Variants in ESRRG observed in about 807,000 individuals in gnomAD.
ESRRG encodes the protein estrogen related receptor gamma.
Under a neutral mutation model 44.0 loss-of-function variants are expected in ESRRG, and 13 were observed. The observed-to-expected ratio is 0.30, with a 90% CI of 0.19 to 0.47. The LOEUF (loss-of-function observed/expected upper bound fraction) is 0.47, where lower values mean the gene tolerates loss of function less well. Among genes scored for constraint, ESRRG ranks in the 20% least tolerant of loss-of-function variants. The pLI is 1.00. For synonymous variants in ESRRG, 215 were observed against 214.6 expected (o/e 1.00, Z -0.02); for missense variants, 395 against 580.6 (o/e 0.68, Z 3.29).
intron 1 of ESRRG, among the ~76,000 whole-genome samples, chr1:217,029,075 G>A (rs2151001576): frequency 6.6e-6 from 1 of 150,932 alleles, no homozygotes. Flanking sequence ...AAAAAAAGAA[G>A]AAATTAATTC....
At chr1:216,666,221 A>C (rs1394823604) in intron 2 of ESRRG, among the ~76,000 whole-genome samples, 1 of 152,220 alleles carries the variant, frequency 6.6e-6, no homozygotes, top group Non-Finnish European at 1.5e-5. Flanking sequence ...ATCAATAGGA[A>C]CTTCTGACAA....
intron 2 of ESRRG, among the ~76,000 whole-genome samples, chr1:216,803,959 C>T (rs2094704668): frequency 6.6e-6 from 1 of 151,828 alleles, no homozygotes; most frequent in East Asian, 1.9e-4. Context: ...AAGGTTCTAA[C>T]ACAGGTTAAT....
chr1:216,516,719 A>G (rs900378008), intron 6 of ESRRG, among the ~76,000 whole-genome samples: 1 of 151,716 alleles, frequency 6.6e-6, no homozygotes, highest in Non-Finnish European at 1.5e-5. Flanking sequence ...TAGGGTGTCT[A>G]AAGTATTAAA....
intron 3 of ESRRG, among the ~76,000 whole-genome samples, chr1:216,596,563 C>T (rs1010844547): frequency 6.6e-6 from 1 of 152,196 alleles, no homozygotes; most frequent in African/African-American, 2.4e-5. Context: ...AACAGACCAG[C>T]TATCTCTAAA....
At chr1:216,825,599 T>C (rs1005856064) in intron 2 of ESRRG, among the ~76,000 whole-genome samples, 1 of 152,094 alleles carries the variant, frequency 6.6e-6, no homozygotes, top group East Asian at 1.9e-4. Flanking sequence ...GGAAGACGAA[T>C]GGGAAAGAGA....
At chr1:216,895,621 C>T (rs997738109) in intron 2 of ESRRG, among the ~76,000 whole-genome samples, 8 of 152,150 alleles carry the variant, frequency 5.3e-5, no homozygotes, top group African/African-American at 1.9e-4. Flanking sequence ...TTATTCACAA[C>T]TCTGGAAACA....
At chr1:216,648,407 A>G (rs933437382) in intron 3 of ESRRG, among the ~76,000 whole-genome samples, 9 of 152,182 alleles carry the variant, frequency 5.9e-5, no homozygotes, top group Admixed American at 1.3e-4. Context: ...ATTTGAGTAT[A>G]TCAGCAACAG....
At chr1:217,136,660 C>T (rs1245734983) in intron 1 of ESRRG, among the ~76,000 whole-genome samples, 1 of 152,200 alleles carries the variant, frequency 6.6e-6, no homozygotes, top group South Asian at 2.1e-4. Flanking sequence ...GATTCCTGAA[C>T]ACAACTTACT....
intron 2 of ESRRG, among the ~76,000 whole-genome samples, chr1:216,889,317 G>T (rs1295061436): frequency 6.6e-6 from 1 of 152,130 alleles, no homozygotes; most frequent in Admixed American, 6.5e-5. Flanking sequence ...CCTAGGAAAT[G>T]GTCAACGTAG....
chr1:216,840,928 T>C (rs868765631), intron 2 of ESRRG, among the ~76,000 whole-genome samples: 8 of 151,940 alleles, frequency 5.3e-5, no homozygotes, highest in African/African-American at 1.9e-4. Flanking sequence ...ATGGGAAAGT[T>C]TGAAATACAG....
chr1:216,700,298 G>A (rs534915111), intron 1 of ESRRG, among the ~76,000 whole-genome samples: 2 of 152,196 alleles, frequency 1.3e-5, no homozygotes, highest in Admixed American at 1.3e-4. Context: ...CTGTATCATG[G>A]CAATATTATC....
chr1:217,004,417 G>C (rs1221765086), intron 1 of ESRRG, among the ~76,000 whole-genome samples: 1 of 152,142 alleles, frequency 6.6e-6, no homozygotes, highest in East Asian at 1.9e-4. Flanking sequence ...GAGTTCCCCT[G>C]CACAAGCTCT....
At chr1:216,553,888 G>GT (rs931811143) in intron 5 of ESRRG, among the ~76,000 whole-genome samples, 19 of 152,080 alleles carry the variant, frequency 1.2e-4, no homozygotes, top group South Asian at 4.1e-4. Context: ...TTAAAAGTGT[G>GT]TTTTTTTCTA....
chr1:216,628,765 A>G (rs1040241292), intron 3 of ESRRG, among the ~76,000 whole-genome samples: 3 of 152,142 alleles, frequency 2.0e-5, no homozygotes, highest in African/African-American at 4.8e-5. Context: ...CAAAACCTTC[A>G]AAACTTCTCA....
Position 217,008,281 on chromosome 1 carries a change from T to C in ESRRG, c.-105-68608A>G, listed in dbSNP as rs139150355. Among the ~76,000 whole-genome samples, 382 of 152,352 alleles carry C rather than the reference T, an allele frequency of 2.5e-3. 1 individual carries two copies. Among genetic ancestry groups the C allele is most frequent in the African/African-American group, 8.9e-3 (370 of 41,596 alleles). Reference sequence around the variant, plus strand: ...GATTGTTCAAGGTTACAAAGCTCAGTAGCAGAACTAAGATCTGGAACATAG... The same window carrying C: ...GATTGTTCAAGGTTACAAAGCTCAGCAGCAGAACTAAGATCTGGAACATAG... On this transcript the variant is annotated intron_variant, in intron 1 of 7. Transcript: ENST00000359162.
At chr1:216,807,648 G>A (rs115687037) in intron 2 of ESRRG, among the ~76,000 whole-genome samples, 1,943 of 152,020 alleles carry the variant, frequency 0.013, 53 homozygotes, top group African/African-American at 0.044. Context: ...TGTGTTAGAC[G>A]GGAGAGAACA....
intron 1 of ESRRG, among the ~76,000 whole-genome samples, chr1:216,997,431 T>A (rs1390872413): frequency 1.3e-5 from 2 of 152,168 alleles, no homozygotes; most frequent in Admixed American, 6.5e-5. Context: ...TCCCCAGATG[T>A]ACAGAAAAAG....
intron 1 of ESRRG, among the ~76,000 whole-genome samples, chr1:216,681,053 T>C (rs1430021004): frequency 6.6e-6 from 1 of 152,208 alleles, no homozygotes; most frequent in Non-Finnish European, 1.5e-5. Flanking sequence ...AATAAAAATC[T>C]AAATTTAGTT....
At chr1:216,868,929 ACTC>A (rs1248272040) in intron 2 of ESRRG, among the ~76,000 whole-genome samples, 1 of 152,054 alleles carries the variant, frequency 6.6e-6, no homozygotes, top group African/African-American at 2.4e-5. Flanking sequence ...TTTTCTTACT[ACTC>A]AGTCTTGTAA....
Sources: gnomAD v4.1 joint callset for allele counts (sites outside exome capture counted in the v4.1 genomes callset) on GRCh38, gnomAD v4.1.1 for gene constraint, MANE v1.5 for transcripts, NCBI Gene and HGNC (gene_info 2026-07-23, HGNC 2026-07-21) for gene names.